Variants in TMEM184B observed in about 807,000 individuals in gnomAD.
TMEM184B encodes putative MAPK-activating protein FM08.
A neutral mutation model predicts 41.8 loss-of-function variants in TMEM184B; 17 were observed. The ratio of observed to expected loss-of-function variants is 0.41; its 90% CI spans 0.28 to 0.61. TMEM184B has a LOEUF of 0.61. Ranked by LOEUF, TMEM184B falls within the 20% of genes least tolerant of loss-of-function variation. The probability of loss-of-function intolerance (pLI) is 0.34; values close to 1 mark genes in which losing one functional copy is unlikely to be tolerated. For synonymous variants in TMEM184B, 240 were observed against 229.5 expected (o/e 1.05, Z -0.41); for missense variants, 393 against 557.8 (o/e 0.70, Z 2.98).
chr22:38,248,755 A>G (rs1287415391), intron 1 of TMEM184B, among the ~76,000 whole-genome samples: 1 of 152,170 alleles, frequency 6.6e-6, no homozygotes, highest in African/African-American at 2.4e-5. Flanking sequence ...GTGGACACAC[A>G]ACAGAAATTC....
chr22:38,245,038 C>A (rs2091992634), intron 3 of TMEM184B, among the ~76,000 whole-genome samples: 2 of 152,230 alleles, frequency 1.3e-5, no homozygotes, highest in South Asian at 4.1e-4. Context: ...TGTCTCCACT[C>A]CACATCCAGA....
intron 1 of TMEM184B, among the ~76,000 whole-genome samples, chr22:38,263,278 G>A (rs1026093978): frequency 2.0e-5 from 3 of 152,134 alleles, no homozygotes; most frequent in Non-Finnish European, 4.4e-5. Context: ...CAGCAAACAA[G>A]CAATCTCCCA....
intron 8 of TMEM184B, 142 bp from the exon 9 acceptor site, chr22:38,221,852 TG>T: frequency 8.1e-7 from 1 of 1,235,304 alleles, no homozygotes; most frequent in Non-Finnish European, 1.1e-6. Context: ...GGACAGAGAA[TG>T]GGGTCCAGGA....
In TMEM184B at chr22:38,248,067, A is replaced by C. The variant is rs982442670; in HGVS notation, c.-58-48T>G. The stretch of plus-strand genomic sequence containing the variant: ...TGAGTCTCCTCCCAGGGCAAGTGGC[A>C]GCATTGGAAAGAATCTTCCAGGTCT... On this transcript the variant is annotated intron_variant, in intron 1 of 8. Transcript: ENST00000361906. 4.1e-6 allele frequency: 6 copies of C among 1,463,632 alleles called. No homozygotes were observed. The East Asian group carries it at 1.5e-4, about 36-fold the overall frequency. The allele number at this position is 1,463,632 out of a possible 1,614,324, so 90.7% of individuals were successfully genotyped here.
At chr22:38,237,865 G>A (rs1268977338) in intron 3 of TMEM184B, among the ~76,000 whole-genome samples, 2 of 151,576 alleles carry the variant, frequency 1.3e-5, no homozygotes, top group African/African-American at 4.9e-5. Flanking sequence ...CAATGGCAAT[G>A]GCGCGATCTC....
intron 3 of TMEM184B, among the ~76,000 whole-genome samples, chr22:38,235,883 G>T (rs1259548947): frequency 2.6e-5 from 4 of 152,200 alleles, no homozygotes; most frequent in African/African-American, 7.2e-5. Flanking sequence ...GCTTGACCGG[G>T]AAGCTCACTG....
intron 2 of TMEM184B, chr22:38,246,603 G>T: frequency 3.3e-6 from 1 of 306,900 alleles, no homozygotes; most frequent in Non-Finnish European, 6.2e-6. Flanking sequence ...CGCTATGGCG[G>T]GTGGACACAC....
intron 1 of TMEM184B, among the ~76,000 whole-genome samples, chr22:38,260,585 T>C (rs2145762044): frequency 6.6e-6 from 1 of 152,166 alleles, no homozygotes; most frequent in South Asian, 2.1e-4. Flanking sequence ...GTGAGCAAGT[T>C]ACACAACCTC....
At chr22:38,223,524 G>A (rs184911328) in intron 8 of TMEM184B, 2 of 152,650 alleles carry the variant, frequency 1.3e-5, no homozygotes, top group Non-Finnish European at 2.9e-5. Flanking sequence ...ACAGAGGAAG[G>A]GGGGCGGGAA....
chr22:38,262,633 G>A (rs181124756), intron 1 of TMEM184B, among the ~76,000 whole-genome samples: 23 of 152,304 alleles, frequency 1.5e-4, no homozygotes, highest in Middle Eastern at 3.4e-3. Flanking sequence ...TGAGCCAATC[G>A]GAGCAAGGGT....
intron 3 of TMEM184B, among the ~76,000 whole-genome samples, chr22:38,232,758 C>T (rs546548932): frequency 6.1e-4 from 93 of 152,260 alleles, no homozygotes; most frequent in Admixed American, 4.6e-4. Context: ...CCTGCCCAAG[C>T]TCCCGCCACT....
At chr22:38,270,107 G>C (rs368464450) in intron 1 of TMEM184B, among the ~76,000 whole-genome samples, 1 of 152,222 alleles carries the variant, frequency 6.6e-6, no homozygotes, top group African/African-American at 2.4e-5. Context: ...GTCACAGGCA[G>C]TTCAAGCCTC....
intron 1 of TMEM184B, among the ~76,000 whole-genome samples, chr22:38,263,104 T>C (rs5750573): frequency 0.039 from 5,941 of 152,202 alleles, 359 homozygotes; most frequent in African/African-American, 0.13. Context: ...GGTTTCATCA[T>C]GTTGGCCAGG....
intron 3 of TMEM184B, 91 bp from the exon 4 acceptor site, chr22:38,231,425 C>CCACA: frequency 9.4e-7 from 1 of 1,067,012 alleles, no homozygotes; most frequent in Non-Finnish European, 1.5e-6. Flanking sequence ...GGTGAAAGAG[C>CCACA]CACAGCTGTG....
intron 3 of TMEM184B, among the ~76,000 whole-genome samples, chr22:38,238,024 T>C (rs1437601237): frequency 6.6e-6 from 1 of 151,838 alleles, no homozygotes; most frequent in Non-Finnish European, 1.5e-5. Flanking sequence ...GGTCTCGAAC[T>C]CCCGACCTTA....
intron 1 of TMEM184B, among the ~76,000 whole-genome samples, chr22:38,254,340 C>T (rs576263735): frequency 1.8e-3 from 268 of 152,284 alleles, no homozygotes; most frequent in African/African-American, 5.7e-3. Flanking sequence ...TGGCTCATGC[C>T]TGTAATCCCA....
At chr22:38,250,193 T>C (rs1187059518) in intron 1 of TMEM184B, among the ~76,000 whole-genome samples, 1 of 152,250 alleles carries the variant, frequency 6.6e-6, no homozygotes, top group Non-Finnish European at 1.5e-5. Flanking sequence ...GCCTGCAGCC[T>C]GGCCCCGCGA....
chr22:38,263,940 G>A (rs1232395435), intron 1 of TMEM184B, among the ~76,000 whole-genome samples: 1 of 152,176 alleles, frequency 6.6e-6, no homozygotes, highest in Non-Finnish European at 1.5e-5. Flanking sequence ...GAGTAGCTGG[G>A]ATTACAGGTG....
Position 38,247,803 on chromosome 22 carries a change from G to A in TMEM184B, c.159C>T (p.Phe53=), listed in dbSNP as rs148320501. Reference sequence around the variant, plus strand: ...ATGTGATGAGCAGGGCCGTCCACACGAAGAAGCCAGAGATGGCCTGAGCGG... The same window carrying A: ...ATGTGATGAGCAGGGCCGTCCACACAAAGAAGCCAGAGATGGCCTGAGCGG... ...TTAAQAISGF[F]VWTALLITCH... Residue 53 remains phenylalanine (F), a synonymous_variant, in exon 2 of 9, where the codon TTC becomes TTT. Transcript: ENST00000361906. The A allele has an allele frequency of 1.0e-4, 166 of 1,613,998 alleles. No homozygotes were observed. Among genetic ancestry groups the A allele is most frequent in the African/African-American group, 2.3e-4 (17 of 75,028 alleles).
Sources: gnomAD v4.1 joint callset for allele counts (sites outside exome capture counted in the v4.1 genomes callset) on GRCh38, gnomAD v4.1.1 for gene constraint, MANE v1.5 for transcripts, NCBI Gene and HGNC (gene_info 2026-07-23, HGNC 2026-07-21) for gene names.